The following CCDC179 variants were observed in gnomAD, a reference collection of about 807,000 sequenced individuals.
The protein encoded by CCDC179 is coiled-coil domain containing 179, also known as coiled-coil domain-containing protein 179.
In CCDC179, 17 loss-of-function variants were observed where a neutral mutation model predicts 12.0. The observed-to-expected ratio is 1.42, with a 90% CI of 0.97 to 2.13. CCDC179 has a LOEUF of 2.13. Among genes scored for constraint, CCDC179 ranks in the 30% most tolerant of loss-of-function variants. The pLI is 0.00. For synonymous variants in CCDC179, 27 were observed against 26.4 expected, an observed-to-expected ratio of 1.02 and a Z score of -0.07; for missense variants, 83 against 78.6, an observed-to-expected ratio of 1.06 and a Z score of -0.21.
intron 3 of CCDC179, among the ~76,000 whole-genome samples, chr11:22,854,018 A>G (rs1858480020): frequency 6.6e-6 from 1 of 151,996 alleles, no homozygotes; most frequent in South Asian, 2.1e-4. Context: ...TACAGAAATC[A>G]TGCAAGCAAT....
chr11:22,851,399 A>G (rs1051783821), intron 3 of CCDC179, among the ~76,000 whole-genome samples: 1 of 152,142 alleles, frequency 6.6e-6, no homozygotes, highest in African/African-American at 2.4e-5. Context: ...GAAGGAAAGT[A>G]CTTTCTTCCA....
At chr11:22,850,960 A>ATTT (rs1564915042) in intron 3 of CCDC179, among the ~76,000 whole-genome samples, 2 of 6,714 alleles carry the variant, frequency 3.0e-4, no homozygotes, top group Non-Finnish European at 1.2e-3. Context: ...ATATATATAT[A>ATTT]TATATATATA....
chr11:22,858,250 A>T (rs1590194618), intron 2 of CCDC179: 1 of 329,784 alleles, frequency 3.0e-6, no homozygotes, highest in Admixed American at 4.9e-5. Context: ...TTCAAATAAG[A>T]CTATTCTTGA....
At chr11:22,852,826 G>T (rs1858439587) in intron 3 of CCDC179, among the ~76,000 whole-genome samples, 1 of 152,162 alleles carries the variant, frequency 6.6e-6, no homozygotes, top group South Asian at 2.1e-4. Context: ...CCCCTGTCTT[G>T]ATAAATTGGC....
intron 3 of CCDC179, among the ~76,000 whole-genome samples, chr11:22,850,986 T>A (rs1172379082): frequency 1.5e-5 from 1 of 68,810 alleles, no homozygotes; most frequent in Non-Finnish European, 3.2e-5. Flanking sequence ...ATTTTTTTTT[T>A]TTTTTTTTTT....
intron 3 of CCDC179, among the ~76,000 whole-genome samples, chr11:22,851,775 T>C (rs1391769577): frequency 6.6e-6 from 1 of 152,182 alleles, no homozygotes; most frequent in Non-Finnish European, 1.5e-5. Flanking sequence ...CAACTTTATC[T>C]GATGAATGGC....
At chr11:22,853,127 C>G (rs912912507) in intron 3 of CCDC179, among the ~76,000 whole-genome samples, 21 of 152,092 alleles carry the variant, frequency 1.4e-4, no homozygotes, top group Non-Finnish European at 2.4e-4. Flanking sequence ...AAAATGCAGC[C>G]TAAATCTTAG....
intron 3 of CCDC179, among the ~76,000 whole-genome samples, chr11:22,857,211 A>T (rs1365152291): frequency 1.3e-5 from 2 of 151,696 alleles, no homozygotes; most frequent in African/African-American, 4.8e-5. Flanking sequence ...AGAAAAGCCA[A>T]CACAACATTG....
Position 22,848,531 on chromosome 11 carries a change from G to T in CCDC179, c.196-1010C>A, listed in dbSNP as rs543269343. ...TTAACAACTGTGTTCTAACTTCATCGCACGTCCTCTGTTGTACTGGGCAAA... is the reference window on the plus strand; with the variant it reads ...TTAACAACTGTGTTCTAACTTCATCTCACGTCCTCTGTTGTACTGGGCAAA... On this transcript the variant is annotated intron_variant, in intron 3 of 3. Coordinates refer to ENST00000532798, the MANE Select transcript of CCDC179 (RefSeq NM_001195637.2). Among the ~76,000 whole-genome samples the T allele has an allele frequency of 2.6e-4, 40 of 152,128 alleles. No homozygotes were observed. In the South Asian group the frequency reaches 7.1e-3, roughly 27 times the overall value.
chr11:22,859,855 T>A (rs1351233056), intron 1 of CCDC179, among the ~76,000 whole-genome samples: 1 of 152,192 alleles, frequency 6.6e-6, no homozygotes, highest in Non-Finnish European at 1.5e-5. Flanking sequence ...TATTGAGCAA[T>A]CTAGTCTTCA....
intron 3 of CCDC179, among the ~76,000 whole-genome samples, chr11:22,856,448 A>G (rs959208771): frequency 6.6e-6 from 1 of 151,548 alleles, no homozygotes. Flanking sequence ...TAAGAATTTG[A>G]CAAAATCCAG....
At chr11:22,851,577 C>G (rs1274934656) in intron 3 of CCDC179, among the ~76,000 whole-genome samples, 1 of 152,150 alleles carries the variant, frequency 6.6e-6, no homozygotes, top group Non-Finnish European at 1.5e-5. Flanking sequence ...TTGTTCCTTC[C>G]TTCCTTACAA....
At chr11:22,847,580 A>G in intron 3 of CCDC179, 59 bp from the exon 4 acceptor site, 1 of 883,738 alleles carries the variant, frequency 1.1e-6, no homozygotes, top group Non-Finnish European at 1.6e-6. Flanking sequence ...ATATAAGGAA[A>G]GATTAGATAT....
In CCDC179 at chr11:22,850,965, TA is replaced by T. The variant is rs1564915089; in HGVS notation, c.196-3445del. ...CTATATATATATATATATATATATA[TA>T]TATATATATATTTTTTTTTTTTTTT... is the stretch of plus-strand genomic sequence containing the variant. On this transcript the variant is annotated intron_variant, in intron 3 of 3. Transcript: ENST00000532798. Among the ~76,000 whole-genome samples, 57 of 22,578 alleles carry T rather than the reference TA, an allele frequency of 2.5e-3. 2 individuals are homozygous for T. Among genetic ancestry groups the T allele is most frequent in the African/African-American group, 6.5e-3 (45 of 6,912 alleles). 14.8% of individuals were successfully genotyped at this position (22,578 alleles called of 152,430 possible). A position where few individuals can be genotyped will look rare whatever the true frequency, so the allele number is the denominator to read the frequency against.
intron 3 of CCDC179, among the ~76,000 whole-genome samples, chr11:22,849,744 T>A (rs899799474): frequency 2.0e-5 from 3 of 152,124 alleles, no homozygotes; most frequent in African/African-American, 7.2e-5. Flanking sequence ...TAGCTCCCAC[T>A]TGTAGGTGAG....
chr11:22,853,171 T>G (rs1858451839), intron 3 of CCDC179, among the ~76,000 whole-genome samples: 1 of 152,190 alleles, frequency 6.6e-6, no homozygotes, highest in Admixed American at 6.5e-5. Context: ...TAAAAGCTTG[T>G]CTTCCTTAGT....
intron 3 of CCDC179, among the ~76,000 whole-genome samples, chr11:22,855,628 C>T (rs1274685089): frequency 6.6e-6 from 1 of 151,342 alleles, no homozygotes; most frequent in African/African-American, 2.4e-5. Flanking sequence ...TCTAAGATTT[C>T]ACCTTAGGAA....
intron 2 of CCDC179, 78 bp from the exon 3 acceptor site, chr11:22,858,104 T>A (rs1412076508): frequency 1.1e-6 from 1 of 902,776 alleles, no homozygotes; most frequent in Non-Finnish European, 1.6e-6. Flanking sequence ...ACATTTTTGG[T>A]TTGTGTCAAT....
intron 3 of CCDC179, among the ~76,000 whole-genome samples, chr11:22,849,314 C>T (rs1858314616): frequency 2.6e-5 from 4 of 152,116 alleles, no homozygotes; most frequent in Admixed American, 1.3e-4. Flanking sequence ...CAAAAGAAAA[C>T]ATAAGTACCA....
Sources: allele counts gnomAD v4.1 joint callset (sites outside exome capture counted in the v4.1 genomes callset), GRCh38; gene constraint gnomAD v4.1.1; transcripts MANE v1.5; gene names NCBI Gene and HGNC (gene_info 2026-07-23, HGNC 2026-07-21).